ZRANB3: variants seen among roughly 807,000 people sequenced by gnomAD.
ZRANB3 encodes zinc finger RANBP2-type containing 3.
ZRANB3 carries 125 observed loss-of-function variants against 133.8 expected under a neutral mutation model. The observed-to-expected ratio is 0.93, with a 90% CI of 0.81 to 1.08. The LOEUF is 1.08. ZRANB3 is among the 50% of genes least tolerant of loss of function. The pLI is 0.00. For synonymous variants in ZRANB3, 387 were observed against 432.7 expected (o/e 0.89, Z 1.31); for missense variants, 1,229 against 1,275.5 (o/e 0.96, Z 0.56).
At chr2:135,253,189 A>G (rs1346366676) in intron 12 of ZRANB3, among the ~76,000 whole-genome samples, 2 of 152,206 alleles carry the variant, frequency 1.3e-5, no homozygotes, top group Non-Finnish European at 2.9e-5. Context: ...TAGACTTCCT[A>G]ACTTGTCAGC....
At chr2:135,271,986 AT>A (rs1680540598) in intron 9 of ZRANB3, 99 bp from the exon 10 acceptor site, 46 of 1,305,234 alleles carry the variant, frequency 3.5e-5, no homozygotes, top group Non-Finnish European at 4.6e-5. Context: ...ACATAACAAA[AT>A]GGAACTTGGT....
intron 4 of ZRANB3, among the ~76,000 whole-genome samples, chr2:135,351,488 G>A (rs1433810173): frequency 1.3e-5 from 2 of 151,956 alleles, no homozygotes; most frequent in East Asian, 1.9e-4. Flanking sequence ...TGATCCGCCC[G>A]CCCTGGCCTC....
Position 135,216,733 on chromosome 2 carries a change from C to T in ZRANB3, c.2495+732G>A, listed in dbSNP as rs544265431. On this transcript the variant is annotated intron_variant, in intron 17 of 20. Coordinates refer to ENST00000264159, the MANE Select transcript of ZRANB3 (RefSeq NM_032143.4). ...GGGATTACAGGCATGAGCCACCGCG[C>T]GCAGCCTGCAATCTCTTTCAAAAGC... Among the ~76,000 whole-genome samples the T allele has an allele frequency of 4.0e-4, 61 of 152,220 alleles. No individual in the cohort carries two copies. The South Asian group carries it at 0.01, about 25-fold the overall frequency.
intron 3 of ZRANB3, among the ~76,000 whole-genome samples, chr2:135,385,309 G>A (rs1483959665): frequency 1.3e-5 from 2 of 152,078 alleles, no homozygotes; most frequent in African/African-American, 4.8e-5. Context: ...TCTTCAAGGA[G>A]AACTACAAAC....
intron 2 of ZRANB3, among the ~76,000 whole-genome samples, chr2:135,414,837 C>T (rs1688480908): frequency 6.6e-6 from 1 of 152,080 alleles, no homozygotes; most frequent in African/African-American, 2.4e-5. Flanking sequence ...AACTGAACAA[C>T]CTGCTCCTGA....
rs1301274269 is a variant in ZRANB3 at position 135,511,980 on chromosome 2, A to AT, written c.-7-7485dup. The AT allele has an allele frequency of 5.7e-6, 4 of 707,634 alleles. No homozygotes were observed. The East Asian group carries it at 1.0e-4, about 18-fold the overall frequency. 43.8% of individuals were successfully genotyped at this position (707,634 alleles called of 1,614,324 possible). ...ATTCAAACTGAGGGGAAAAAGTCAA[A>AT]TATGTCCAAACCTGTGCGGCTGAGC... is the stretch of plus-strand genomic sequence containing the variant. On this transcript the variant is annotated intron_variant, in intron 1 of 20. Transcript: ENST00000264159.
rs181385548 is a variant in ZRANB3, at chr2:135,385,021, G to T, written c.180+5781C>A. Among the ~76,000 whole-genome samples the T allele has an allele frequency of 3.0e-3, 453 of 152,240 alleles. 2 individuals are homozygous for T. The highest frequency in any genetic ancestry group is 0.01 in the African/African-American group (429 of 41,552). On this transcript the variant is annotated intron_variant, in intron 3 of 20. Transcript: ENST00000264159. ...CAATAAGGCAGGAGAAAGAAATAAA[G>T]GGTATTGAAATAGGAAAAGAGGAAG...
chr2:135,200,172 T>C lies in ZRANB3; in HGVS notation c.*170A>G, dbSNP rs1693560635. 1 of 672,972 alleles carries C rather than the reference T, an allele frequency of 1.5e-6. No homozygotes were observed. Among genetic ancestry groups the C allele is most frequent in the Non-Finnish European group, 2.7e-6 (1 of 376,358 alleles). 41.7% of individuals were successfully genotyped at this position (672,972 alleles called of 1,614,324 possible). A position where few individuals can be genotyped will look rare whatever the true frequency, so the allele number is the denominator to read the frequency against. On this transcript the variant is annotated 3_prime_UTR_variant, in exon 21 of 21. Transcript: ENST00000264159. ...GTATTGTATCTTAGTTTCTGTTAAG[T>C]ACTTTCAAAATGTATTTAATACTAA...
chr2:135,401,854 G>A (rs1441976176), intron 2 of ZRANB3, among the ~76,000 whole-genome samples: 1 of 152,042 alleles, frequency 6.6e-6, no homozygotes, highest in Non-Finnish European at 1.5e-5. Flanking sequence ...CATTAAAAAA[G>A]GAAGTATAGG....
chr2:135,518,272 T>G lies in ZRANB3; in HGVS notation c.-8+12855A>C, dbSNP rs539758057. Among the ~76,000 whole-genome samples, 122 of 152,180 alleles carry G rather than the reference T, an allele frequency of 8.0e-4. 1 individual carries two copies. Among genetic ancestry groups the G allele is most frequent in the African/African-American group, 2.6e-3 (108 of 41,526 alleles). On this transcript the variant is annotated intron_variant, in intron 1 of 20. Transcript: ENST00000264159. ...CCCCCTTTCCAGAGGAGTGAATGAT[T>G]GTCTCGCTGGTGTTCCAGGAGCCAC...
At chr2:135,483,227 G>A (rs944195563) in intron 2 of ZRANB3, among the ~76,000 whole-genome samples, 1 of 151,964 alleles carries the variant, frequency 6.6e-6, no homozygotes, top group African/African-American at 2.4e-5. Flanking sequence ...GTAGAATTCG[G>A]CTGTGAATAC....
intron 2 of ZRANB3, among the ~76,000 whole-genome samples, chr2:135,421,963 T>C (rs1688872552): frequency 6.7e-6 from 1 of 150,260 alleles, no homozygotes; most frequent in African/African-American, 2.4e-5. Context: ...TTCATCTCTC[T>C]ACAATTTACA....
At chr2:135,417,366 A>G (rs1461902553) in intron 2 of ZRANB3, among the ~76,000 whole-genome samples, 3 of 151,948 alleles carry the variant, frequency 2.0e-5, no homozygotes, top group South Asian at 2.1e-4. Flanking sequence ...AAAAATGCTC[A>G]TCATCACTGG....
chr2:135,409,819 T>C (rs1574059886), intron 2 of ZRANB3, among the ~76,000 whole-genome samples: 3 of 152,346 alleles, frequency 2.0e-5, no homozygotes, highest in African/African-American at 7.2e-5. Context: ...GTAGCATTTC[T>C]ATACACCAAT....
In ZRANB3 at chr2:135,254,569, T is replaced by C. The variant is rs566524087; in HGVS notation, c.1539+10965A>G. 1.1e-3 allele frequency among the ~76,000 whole-genome samples: 163 copies of C among 151,882 alleles called. 1 individual carries two copies. The highest frequency in any genetic ancestry group is 3.6e-3 in the African/African-American group (151 of 41,440). On this transcript the variant is annotated intron_variant, in intron 12 of 20. Coordinates refer to ENST00000264159, the MANE Select transcript of ZRANB3 (RefSeq NM_032143.4). ...CGGAGGTTGCAGTGAGCCAAGATCATACTACTGCACTCCAGACTGAGCAAC... is the reference window on the plus strand; with the variant it reads ...CGGAGGTTGCAGTGAGCCAAGATCACACTACTGCACTCCAGACTGAGCAAC...
chr2:135,440,190 TTTC>T (rs1193068933), intron 2 of ZRANB3, among the ~76,000 whole-genome samples: 1 of 152,168 alleles, frequency 6.6e-6, no homozygotes, highest in African/African-American at 2.4e-5. Flanking sequence ...GGACACTAAC[TTTC>T]TTATCTAGTT....
intron 8 of ZRANB3, among the ~76,000 whole-genome samples, chr2:135,279,193 G>T (rs1017889597): frequency 6.6e-6 from 1 of 151,936 alleles, no homozygotes; most frequent in Admixed American, 6.6e-5. Context: ...ATGTAGCTTT[G>T]GCAATAATAA....
chr2:135,272,554 T>TA (rs1680579367), intron 9 of ZRANB3, among the ~76,000 whole-genome samples: 1 of 151,342 alleles, frequency 6.6e-6, no homozygotes, highest in South Asian at 2.1e-4. Context: ...GCTGGGACTA[T>TA]AGGCGCCCGC....
intron 15 of ZRANB3, among the ~76,000 whole-genome samples, chr2:135,222,886 G>A (rs368688361): frequency 1.0e-3 from 151 of 151,728 alleles, no homozygotes; most frequent in Admixed American, 3.7e-3. Context: ...TGAGGCGGGC[G>A]GACTGTTTGA....
Sources: allele counts gnomAD v4.1 joint callset (sites outside exome capture counted in the v4.1 genomes callset), GRCh38; gene constraint gnomAD v4.1.1; transcripts MANE v1.5; gene names NCBI Gene and HGNC (gene_info 2026-07-23, HGNC 2026-07-21).